The following ATP10A variants were observed in gnomAD, a reference collection of about 807,000 sequenced individuals.
ATP10A encodes phospholipid-transporting ATPase VA.
A neutral mutation model predicts 147.8 loss-of-function variants in ATP10A; 111 were observed. The ratio of observed to expected loss-of-function variants is 0.75; its 90% confidence interval spans 0.64 to 0.88. The LOEUF is 0.88. Among genes scored for constraint, ATP10A ranks in the 40% least tolerant of loss-of-function variants. The pLI, the probability that ATP10A is intolerant of heterozygous loss-of-function variation, is 0.00. For missense variants in ATP10A, 1,927 were observed against 1,959.0 expected (o/e 0.98, Z 0.31); for synonymous variants, 875 against 841.6 (o/e 1.04, Z -0.69).
rs564669381 is a variant in ATP10A, at chr15:25,826,211, A to G, written c.449+36437T>C. ...TCATCAAGCAAACAGATGTATGAAT[A>G]ATGGGAGTCCCAGAAAGAAAAAAGA... On this transcript the variant is annotated intron_variant, in intron 1 of 20. Coordinates refer to ENST00000555815, the MANE Select transcript of ATP10A (RefSeq NM_024490.4). Among the ~76,000 whole-genome samples, 35 of 152,328 alleles carry G rather than the reference A, an allele frequency of 2.3e-4. No individual in the cohort carries two copies. In the East Asian group the frequency reaches 5.2e-3, roughly 23 times the overall value.
chr15:25,820,870 C>A (rs1029348552), intron 1 of ATP10A, among the ~76,000 whole-genome samples: 1 of 152,010 alleles, frequency 6.6e-6, no homozygotes, highest in Non-Finnish European at 1.5e-5. Flanking sequence ...TTCAAAAGAA[C>A]TTTTTAAGTT....
intron 2 of ATP10A, among the ~76,000 whole-genome samples, chr15:25,762,748 T>A (rs928441131): frequency 6.6e-6 from 1 of 151,806 alleles, no homozygotes. Flanking sequence ...CCCAGCTAAG[T>A]TGTAAATTTT....
chr15:25,784,080 A>T (rs549128237), intron 1 of ATP10A, among the ~76,000 whole-genome samples: 1 of 152,258 alleles, frequency 6.6e-6, no homozygotes, highest in African/African-American at 2.4e-5. Context: ...TCAAGCCTTG[A>T]CTTCATGTCA....
intron 1 of ATP10A, among the ~76,000 whole-genome samples, chr15:25,823,933 T>A (rs930155528): frequency 6.6e-6 from 1 of 152,170 alleles, no homozygotes; most frequent in Non-Finnish European, 1.5e-5. Context: ...TCATGTGCGT[T>A]CTTTTGCACC....
intron 2 of ATP10A, among the ~76,000 whole-genome samples, chr15:25,769,399 T>C (rs1036252238): frequency 2.8e-5 from 4 of 142,630 alleles, no homozygotes; most frequent in African/African-American, 7.9e-5. Flanking sequence ...AGGCAGAGAA[T>C]TGCTTGAACC....
At chr15:25,709,911 A>T (rs2140375204) in intron 10 of ATP10A, 1 of 152,188 alleles carries the variant, frequency 6.6e-6, no homozygotes, top group East Asian at 1.9e-4. Flanking sequence ...CTACACTCTG[A>T]TGGGGGGTAG....
chr15:25,673,036 CA>C (rs1443113873), downstream of ATP10A, among the ~76,000 whole-genome samples: 1 of 152,128 alleles, frequency 6.6e-6, no homozygotes, highest in Non-Finnish European at 1.5e-5. Context: ...AGGAGGGTCA[CA>C]GGGGCAAGGG....
At chr15:25,710,126 G>A (rs1371350300) in intron 10 of ATP10A, 4 of 152,204 alleles carry the variant, frequency 2.6e-5, no homozygotes, top group Admixed American at 1.3e-4. Flanking sequence ...TTTAGGCAAC[G>A]GTCATGCAAT....
At chr15:25,728,893 G>A (rs1372314004) in intron 3 of ATP10A, among the ~76,000 whole-genome samples, 3 of 152,122 alleles carry the variant, frequency 2.0e-5, no homozygotes, top group Non-Finnish European at 4.4e-5. Flanking sequence ...TGCGTGAACA[G>A]CCCACAACAC....
In ATP10A at chr15:25,766,522, C is replaced by T. The variant is rs536660095; in HGVS notation, c.654+14497G>A. On this transcript the variant is annotated intron_variant, in intron 2 of 20. Coordinates refer to ENST00000555815, the MANE Select transcript of ATP10A (RefSeq NM_024490.4). ...CCAGGCCCAGCCCAGCAGCCCACAC[C>T]CCTCCTGAAATAGGGCTTCCCTCTG... 1.2e-4 allele frequency among the ~76,000 whole-genome samples: 18 copies of T among 152,172 alleles called. No homozygotes were observed. The South Asian group carries it at 3.3e-3, about 28-fold the overall frequency.
At chr15:25,743,340 A>G (rs558891052) in intron 2 of ATP10A, among the ~76,000 whole-genome samples, 27 of 152,370 alleles carry the variant, frequency 1.8e-4, no homozygotes, top group Non-Finnish European at 3.7e-4. Flanking sequence ...AAGAAAAGTT[A>G]TCCAGCACCA....
intron 7 of ATP10A, among the ~76,000 whole-genome samples, chr15:25,718,675 G>A (rs1052295695): frequency 2.6e-5 from 4 of 152,142 alleles, no homozygotes; most frequent in African/African-American, 4.8e-5. Context: ...GAAGGGGAAC[G>A]GGTTGACGTC....
At chr15:25,697,912 T>C (rs1900434927) in intron 13 of ATP10A, among the ~76,000 whole-genome samples, 1 of 152,196 alleles carries the variant, frequency 6.6e-6, no homozygotes, top group Admixed American at 6.5e-5. Context: ...AGCTCCACTT[T>C]AGTGATAAGA....
At chr15:25,681,384 G>A (rs1173053813) in intron 17 of ATP10A, among the ~76,000 whole-genome samples, 1 of 152,150 alleles carries the variant, frequency 6.6e-6, no homozygotes, top group African/African-American at 2.4e-5. Flanking sequence ...ATCTCAAAAC[G>A]ATCATGAAAT....
intron 7 of ATP10A, among the ~76,000 whole-genome samples, chr15:25,720,353 T>C (rs1404744300): frequency 6.6e-6 from 1 of 152,206 alleles, no homozygotes; most frequent in Non-Finnish European, 1.5e-5. Flanking sequence ...TTTTGAAATG[T>C]GTAATACATT....
chr15:25,701,904 A>C lies in ATP10A; in HGVS notation c.2760+12T>G, dbSNP rs920612428. Reference sequence around the variant, plus strand: ...CAGGGGAAGGAAGCGGAGCCACTTGAAACCCACCTACCTGGGAGGTGGCAT... The same window carrying C: ...CAGGGGAAGGAAGCGGAGCCACTTGCAACCCACCTACCTGGGAGGTGGCAT... On this transcript the variant is annotated intron_variant, in intron 13 of 20. Transcript: ENST00000555815. 1 of 1,584,714 alleles carries C rather than the reference A, an allele frequency of 6.3e-7. No homozygotes were observed. Among genetic ancestry groups the C allele is most frequent in the African/African-American group, 1.4e-5 (1 of 74,066 alleles).
At chr15:25,766,922 A>AAC (rs1280074621) in intron 2 of ATP10A, among the ~76,000 whole-genome samples, 32 of 150,006 alleles carry the variant, frequency 2.1e-4, no homozygotes, top group African/African-American at 5.2e-4. Context: ...AAAAAAAAAA[A>AAC]CTTTAATGGG....
intron 2 of ATP10A, among the ~76,000 whole-genome samples, chr15:25,740,376 G>C (rs746014859): frequency 3.3e-5 from 5 of 152,220 alleles, no homozygotes; most frequent in African/African-American, 1.2e-4. Context: ...CCTGCCTAAC[G>C]CTCCAGGTGG....
intron 1 of ATP10A, among the ~76,000 whole-genome samples, chr15:25,786,921 C>T (rs1356056725): frequency 6.6e-6 from 1 of 151,866 alleles, no homozygotes; most frequent in Non-Finnish European, 1.5e-5. Flanking sequence ...AGGTGTGAGC[C>T]ACCGTGCCTG....
Sources: gnomAD v4.1 joint callset for allele counts (sites outside exome capture counted in the v4.1 genomes callset) on GRCh38, gnomAD v4.1.1 for gene constraint, MANE v1.5 for transcripts, NCBI Gene and HGNC (gene_info 2026-07-23, HGNC 2026-07-21) for gene names.